The following ZNF816 variants were observed in gnomAD, a reference collection of about 807,000 sequenced individuals.
The protein encoded by ZNF816 is zinc finger protein 816, also known as zinc finger protein 816A.
A neutral mutation model predicts 8.3 loss-of-function variants in ZNF816; 11 were observed. That is an observed-to-expected ratio of 1.32 (90% CI 0.83 to 2.19). The LOEUF is 2.19. Among genes scored for constraint, ZNF816 ranks in the 30% most tolerant of loss-of-function variants. ZNF816 has a pLI of 0.00. For missense variants in ZNF816, 710 were observed against 779.3 expected (o/e 0.91, Z 1.06); for synonymous variants, 255 against 254.5 (o/e 1.00, Z -0.02).
rs368659344 is a variant in ZNF816, at chr19:52,950,734, G to C, written c.1041C>G (p.Gly347=). 6.2e-7 allele frequency: 1 copy of C among 1,613,972 alleles called. No individual in the cohort carries two copies. The change falls in exon 4 of 4, where the codon GGC becomes GGG. Residue 347 remains glycine (G), a synonymous_variant. Transcript: ENST00000444460. ...GGGCTGAATTTCGACCAAAAGTCTTGCCACACTCATTACACTTGTAAGGTT... is the reference window on the plus strand; with the variant it reads ...GGGCTGAATTTCGACCAAAAGTCTTCCCACACTCATTACACTTGTAAGGTT... ...GEKPYKCNEC[G]KTFGRNSALV...
chr19:52,949,676 G>A lies in ZNF816; in HGVS notation c.*143C>T, dbSNP rs3745175. ...ATGATATTTGTAAGGTTTCTCTCCA[G>A]TATGAGTTCACTGATGAACTACAAG... is the stretch of plus-strand genomic sequence containing the variant. On this transcript the variant is annotated 3_prime_UTR_variant, in exon 4 of 4. Transcript: ENST00000444460. 6.4e-4 allele frequency: 809 copies of A among 1,258,402 alleles called. 8 individuals are homozygous for A. In the East Asian group the frequency reaches 0.016, roughly 25 times the overall value. 78.0% of individuals were successfully genotyped at this position (1,258,402 alleles called of 1,614,324 possible). A position where few individuals can be genotyped will look rare whatever the true frequency, so the allele number is the denominator to read the frequency against.
Position 52,951,329 on chromosome 19 carries a change from T to C in ZNF816, c.446A>G (p.Asn149Ser). 1.9e-6 allele frequency: 3 copies of C among 1,614,226 alleles called. No homozygotes were observed. Among genetic ancestry groups the C allele is most frequent in the Non-Finnish European group, 2.5e-6 (3 of 1,180,042 alleles). The change falls in exon 4 of 4, where the codon AAC becomes AGC. Residue 149 changes from asparagine to serine, a missense_variant. Asn to Ser is a conservative substitution (Grantham distance 46, BLOSUM62 1). Transcript: ENST00000444460. ...TDRSDHRHAGNKPIKDQLGLS... is the reference protein window; with the variant it reads ...TDRSDHRHAGSKPIKDQLGLS... ...TCCAAGCTGATCTTTAATAGGCTTG[T>C]TTCCAGCATGCCTGTGATCACTTCG...
chr19:52,962,406 C>T (rs1294168309), intron 1 of ZNF816, among the ~76,000 whole-genome samples: 1 of 152,180 alleles, frequency 6.6e-6, no homozygotes, highest in Non-Finnish European at 1.5e-5. Context: ...AGCCCTCCCA[C>T]TTCCACCACG....
rs1269317823 is a variant in ZNF816 at position 52,951,177 on chromosome 19, T to C, written c.598A>G (p.Lys200Glu). ...SESQRISCRL[K>E]THISNKYGKN... is the part of the protein sequence containing the mutation. ...CCATACTTATTAGAAATATGAGTTT[T>C]GAGCCTACAAGAAATTCTTTGGGAT... Residue 200 changes from lysine to glutamate, a missense_variant, in exon 4 of 4, where the codon AAA becomes GAA. Transcript: ENST00000444460. The C allele has an allele frequency of 1.2e-6, 2 of 1,613,304 alleles. No homozygotes were observed. Among genetic ancestry groups the C allele is most frequent in the Non-Finnish European group, 8.5e-7 (1 of 1,179,986 alleles).
rs1429007937 is a variant in ZNF816, at chr19:52,950,220, T to A, written c.1555A>T (p.Ser519Cys). 6.2e-7 allele frequency: 1 copy of A among 1,613,902 alleles called. No homozygotes were observed. Among genetic ancestry groups the A allele is most frequent in the African/African-American group, 1.3e-5 (1 of 74,860 alleles). ...YKCEECDKVF[S>C]RRSHLERHRR... ...TGTCTTTCAAGGTGTGATCTGCGAC[T>A]GAAAACTTTGTCACATTCTTCACAT... The change falls in exon 4 of 4, where the codon AGT becomes TGT. Residue 519 changes from serine (S) to cysteine (C), a missense_variant. By Grantham distance (112) the Ser-to-Cys change is moderately radical. Coordinates refer to ENST00000444460, the MANE Select transcript of ZNF816 (RefSeq NM_001202457.3).
chr19:52,951,536 A>T lies in ZNF816; in HGVS notation c.239T>A (p.Ile80Asn), dbSNP rs12459008. The change falls in exon 4 of 4, where the codon ATT becomes AAT. Residue 80 changes from isoleucine to asparagine, a missense_variant. By Grantham distance (149) the Ile-to-Asn change is moderately radical. Coordinates refer to ENST00000444460, the MANE Select transcript of ZNF816 (RefSeq NM_001202457.3). ...CCCTGTGTGGATCACTTCTCCTGTA[A>T]TACTGTGCCTGGTTGATGAGAACTC... ...MMEFSSTRHS[I>N]TGEVIHTGTL... is the part of the protein sequence containing the mutation. 576,026 of 1,596,460 alleles carry T rather than the reference A, an allele frequency of 0.36. 108,900 individuals are homozygous for T. Among genetic ancestry groups the T allele is most frequent in the African/African-American group, 0.68 (50,200 of 74,218 alleles).
Position 52,956,169 on chromosome 19 carries a change from C to T in ZNF816, c.-15-65G>A, listed in dbSNP as rs2083508570. On this transcript the variant is annotated intron_variant, in intron 1 of 3. Coordinates refer to ENST00000444460, the MANE Select transcript of ZNF816 (RefSeq NM_001202457.3). ...CATTGACTCCTTTCCTGTGACAAAA[C>T]ACACACACAGGGGAAACCTCACCCG... The T allele has an allele frequency of 2.0e-6, 3 of 1,485,834 alleles. No individual in the cohort carries two copies. In the South Asian group the frequency reaches 3.8e-5, roughly 19 times the overall value. The allele number at this position is 1,485,834 out of a possible 1,614,324, so 92.0% of individuals were successfully genotyped here.
intron 1 of ZNF816, among the ~76,000 whole-genome samples, chr19:52,958,917 C>T (rs1254974929): frequency 6.6e-6 from 1 of 152,174 alleles, no homozygotes; most frequent in African/African-American, 2.4e-5. Context: ...CAACAGCAAG[C>T]CTTTCATGAG....
Position 52,950,493 on chromosome 19 carries a change from T to C in ZNF816, c.1282A>G (p.Lys428Glu), listed in dbSNP as rs1396846377. 3.7e-6 allele frequency: 6 copies of C among 1,613,676 alleles called. No individual in the cohort carries two copies. Among genetic ancestry groups the C allele is most frequent in the Non-Finnish European group, 4.2e-6 (5 of 1,179,824 alleles). Residue 428 changes from lysine (K) to glutamate (E), a missense_variant, in exon 4 of 4, where the codon AAG becomes GAG. Coordinates refer to ENST00000444460, the MANE Select transcript of ZNF816 (RefSeq NM_001202457.3). The part of the protein sequence containing the change: ...IHTGEGSYKC[K>E]VCDKVFRSDS... Reference sequence around the variant, plus strand: ...CTCCGGAAAACCTTGTCACAAACCTTACATTTGTATGATCCCTCTCCAGTA... The same window carrying C: ...CTCCGGAAAACCTTGTCACAAACCTCACATTTGTATGATCCCTCTCCAGTA...
At position 52,957,819 on chromosome 19, in the gene ZNF816, G is replaced by C. The variant is rs2083523083; in HGVS notation, c.-15-1715C>G. On this transcript the variant is annotated intron_variant, in intron 1 of 3. Transcript: ENST00000444460. The surrounding 1 kb of genome is among the most constrained non-coding windows in gnomAD (Gnocchi z 4.6). ...TGAAAGGACTTGCTTAGCGAGCTGA[G>C]AGCCACCGTCTCTTCTACAGAGCAC... Among the ~76,000 whole-genome samples, 3 of 152,286 alleles carry C rather than the reference G, an allele frequency of 2.0e-5. No individual in the cohort carries two copies. The highest frequency in any genetic ancestry group is 2.4e-5 in the African/African-American group (1 of 41,558).
chr19:52,962,331 G>C (rs1208134579), intron 1 of ZNF816, among the ~76,000 whole-genome samples: 1 of 152,114 alleles, frequency 6.6e-6, no homozygotes, highest in Admixed American at 6.5e-5. Flanking sequence ...TGCAAAACTA[G>C]ACCAAAAGGA....
At position 52,949,881 on chromosome 19, in the gene ZNF816, C is replaced by CAGTAA. The variant is rs780474607; in HGVS notation, c.1889_1893dup (p.Gly632LeufsTer64). Reference sequence around the variant, plus strand: ...TGATGGTGAATAAGTGTTGACTGTCCAGTAAAGGCTTTGCCACACTCATTA... The same window carrying CAGTAA: ...TGATGGTGAATAAGTGTTGACTGTCCAGTAAAGTAAAGGCTTTGCCACACTCATTA... On this transcript the variant is annotated frameshift_variant, in exon 4 of 4. Coordinates refer to ENST00000444460, the MANE Select transcript of ZNF816 (RefSeq NM_001202457.3). LOFTEE classifies it low-confidence loss of function (END_TRUNC). 10 of 1,613,156 alleles carry CAGTAA rather than the reference C, an allele frequency of 6.2e-6. No homozygotes were observed. Among genetic ancestry groups the CAGTAA allele is most frequent in the Non-Finnish European group, 7.6e-6 (9 of 1,179,658 alleles).
chr19:52,952,126 T>C (rs890502373), intron 3 of ZNF816, among the ~76,000 whole-genome samples: 12 of 152,058 alleles, frequency 7.9e-5, no homozygotes, highest in Admixed American at 6.6e-4. Flanking sequence ...ATCCCAACAC[T>C]TCGAGGCTGA....
chr19:52,953,749 AT>A (rs1294237212), intron 2 of ZNF816, among the ~76,000 whole-genome samples: 2 of 143,934 alleles, frequency 1.4e-5, no homozygotes, highest in Non-Finnish European at 3.0e-5. Context: ...ATATATATAT[AT>A]AAAATAAGTC....
At position 52,951,468 on chromosome 19, in the gene ZNF816, A is replaced by G. The variant is rs754472766; in HGVS notation, c.307T>C (p.Phe103Leu). The G allele has an allele frequency of 1.2e-6, 2 of 1,613,890 alleles. No individual in the cohort carries two copies. The highest frequency in any genetic ancestry group is 2.7e-5 in the African/African-American group (2 of 74,920). Residue 103 changes from phenylalanine (F) to leucine (L), a missense_variant, in exon 4 of 4, where the codon TTC becomes CTC. Transcript: ENST00000444460. The stretch of plus-strand genomic sequence containing the variant: ...TGAATATCTTTCTTCATTTCTGGGA[A>G]GCAAAAATCTCCAATGTGATGACTT... ...HKSHHIGDFC[F>L]PEMKKDIHHF...
intron 3 of ZNF816, 185 bp from the exon 4 acceptor site, chr19:52,951,769 G>A: frequency 1.7e-6 from 1 of 592,810 alleles, no homozygotes; most frequent in Non-Finnish European, 2.7e-6. Context: ...ATGGTGGTGG[G>A]TGCCTGTAAT....
intron 3 of ZNF816, 128 bp downstream of exon 3, chr19:52,952,623 C>T (rs758880184): frequency 6.5e-7 from 1 of 1,534,364 alleles, no homozygotes; most frequent in African/African-American, 1.4e-5. Flanking sequence ...AGGGTCATCA[C>T]CGCAGAAAAC....
rs564823191 is a variant in ZNF816 at position 52,952,999 on chromosome 19, G to A, written c.64-122C>T. 4 of 1,442,762 alleles carry A rather than the reference G, an allele frequency of 2.8e-6. No homozygotes were observed. In the African/African-American group the frequency reaches 5.8e-5, roughly 21 times the overall value. The allele number at this position is 1,442,762 out of a possible 1,614,324, so 89.4% of individuals were successfully genotyped here. A position where few individuals can be genotyped will look rare whatever the true frequency, so the allele number is the denominator to read the frequency against. On this transcript the variant is annotated intron_variant, in intron 2 of 3. Coordinates refer to ENST00000444460, the MANE Select transcript of ZNF816 (RefSeq NM_001202457.3). ...CAAGACTGTGTTCTGACAAATTTAT[G>A]TTAAGGTATTTTTGAACAATTTTTC...
chr19:52,955,991 A>G, intron 2 of ZNF816, 36 bp downstream of exon 2: 2 of 1,587,870 alleles, frequency 1.3e-6, no homozygotes, highest in Non-Finnish European at 1.7e-6. Flanking sequence ...TCAGAAAGGA[A>G]AGAGACAGAA....
Sources: allele counts gnomAD v4.1 joint callset (sites outside exome capture counted in the v4.1 genomes callset), GRCh38; gene constraint gnomAD v4.1.1; non-coding constraint Gnocchi (gnomAD v3.1); transcripts MANE v1.5; gene names NCBI Gene and HGNC (gene_info 2026-07-23, HGNC 2026-07-21).